Variants in DPP10 observed in about 807,000 individuals in gnomAD.
DPP10 encodes the protein inactive dipeptidyl peptidase 10.
Under a neutral mutation model 120.9 loss-of-function variants are expected in DPP10, and 33 were observed. The ratio of observed to expected loss-of-function variants is 0.27; its 90% confidence interval spans 0.21 to 0.37. DPP10 has a LOEUF of 0.37. Among genes scored for constraint, DPP10 ranks in the 10% least tolerant of loss-of-function variants. The probability of loss-of-function intolerance (pLI) is 1.00; values close to 1 mark genes in which losing one functional copy is unlikely to be tolerated. For synonymous variants in DPP10, 337 were observed against 326.1 expected (o/e 1.03, Z -0.36); for missense variants, 816 against 942.8 (o/e 0.87, Z 1.76).
intron 1 of DPP10, among the ~76,000 whole-genome samples, chr2:114,503,096 C>A (rs187560140): frequency 4.6e-5 from 7 of 152,302 alleles, no homozygotes; most frequent in Admixed American, 4.6e-4. Context: ...CTCTTCTGTT[C>A]AAGATGCTTT....
At chr2:115,348,850 C>T (rs1375204019) in intron 3 of DPP10, among the ~76,000 whole-genome samples, 3 of 152,074 alleles carry the variant, frequency 2.0e-5, no homozygotes, top group Non-Finnish European at 4.4e-5. Flanking sequence ...TATTGGTCCA[C>T]TTACCATTTG....
intron 1 of DPP10, among the ~76,000 whole-genome samples, chr2:114,969,732 CCAAA>C (rs1282302472): frequency 1.3e-5 from 2 of 152,080 alleles, no homozygotes; most frequent in African/African-American, 4.8e-5. Flanking sequence ...AACCAACCAA[CCAAA>C]CAAACAAACG....
intron 1 of DPP10, among the ~76,000 whole-genome samples, chr2:114,762,960 T>C (rs570678676): frequency 6.6e-6 from 1 of 152,292 alleles, no homozygotes. Context: ...AGTAAGGTTA[T>C]GATATATATA....
At chr2:114,910,200 TG>T (rs1174123338) in intron 1 of DPP10, among the ~76,000 whole-genome samples, 1 of 151,892 alleles carries the variant, frequency 6.6e-6, no homozygotes, top group Non-Finnish European at 1.5e-5. Flanking sequence ...ATGACTGTGC[TG>T]GTATAAGCAC....
intron 1 of DPP10, among the ~76,000 whole-genome samples, chr2:115,165,648 A>G (rs1375646676): frequency 6.6e-6 from 1 of 152,222 alleles, no homozygotes; most frequent in Non-Finnish European, 1.5e-5. Flanking sequence ...AACGTTTGTT[A>G]AATGAGTATA....
chr2:115,593,231 A>T (rs1294255416), intron 5 of DPP10, among the ~76,000 whole-genome samples: 5 of 152,192 alleles, frequency 3.3e-5, no homozygotes, highest in African/African-American at 1.2e-4. Context: ...TGATGCAGGC[A>T]ACCAGCTCTC....
intron 5 of DPP10, among the ~76,000 whole-genome samples, chr2:115,570,632 GTGT>G (rs2081284119): frequency 6.6e-6 from 1 of 152,140 alleles, no homozygotes; most frequent in Admixed American, 6.5e-5. Flanking sequence ...ATGCTGTGTG[GTGT>G]TGTTATTCTA....
intron 1 of DPP10, among the ~76,000 whole-genome samples, chr2:114,656,074 T>G (rs1266963613): frequency 6.6e-6 from 1 of 152,186 alleles, no homozygotes; most frequent in East Asian, 1.9e-4. Flanking sequence ...TATGTTGAGA[T>G]TCAATGTTAT....
At chr2:115,481,567 G>A (rs1172496576) in intron 3 of DPP10, among the ~76,000 whole-genome samples, 1 of 152,052 alleles carries the variant, frequency 6.6e-6, no homozygotes, top group Non-Finnish European at 1.5e-5. Context: ...TGGATGAAAT[G>A]AAGTCGTTGG....
At chr2:115,617,646 C>T (rs1187024597) in intron 5 of DPP10, among the ~76,000 whole-genome samples, 1 of 151,786 alleles carries the variant, frequency 6.6e-6, no homozygotes, top group Non-Finnish European at 1.5e-5. Flanking sequence ...TCCTAGGAGC[C>T]TAGGATCAAT....
chr2:115,179,658 G>A (rs752137264), intron 1 of DPP10, among the ~76,000 whole-genome samples: 1 of 152,106 alleles, frequency 6.6e-6, no homozygotes, highest in South Asian at 2.1e-4. Context: ...AAATTACCTC[G>A]ATAAATTATA....
At chr2:114,982,530 A>T (rs768444499) in intron 1 of DPP10, among the ~76,000 whole-genome samples, 1 of 152,234 alleles carries the variant, frequency 6.6e-6, no homozygotes, top group Non-Finnish European at 1.5e-5. Context: ...TTTAAAATTA[A>T]TGAAGCTTCA....
intron 5 of DPP10, among the ~76,000 whole-genome samples, chr2:115,532,696 C>T (rs1203597977): frequency 6.6e-6 from 1 of 151,750 alleles, no homozygotes; most frequent in South Asian, 2.1e-4. Context: ...TAAAACCATA[C>T]TTTTAAAGAA....
At chr2:115,709,707 T>G (rs10173996) in intron 7 of DPP10, among the ~76,000 whole-genome samples, 132,585 of 151,634 alleles carry the variant, frequency 0.87, 58,190 homozygotes, top group Middle Eastern at 0.95. Flanking sequence ...ATAAACAACA[T>G]TTAATCTGAA....
intron 1 of DPP10, among the ~76,000 whole-genome samples, chr2:115,117,101 T>C (rs2049549901): frequency 6.6e-6 from 1 of 152,204 alleles, no homozygotes; most frequent in South Asian, 2.1e-4. Context: ...ACTCGTACAC[T>C]TCCTGTTTCT....
chr2:114,727,907 C>T (rs934355681), intron 1 of DPP10, among the ~76,000 whole-genome samples: 1 of 152,174 alleles, frequency 6.6e-6, no homozygotes, highest in Admixed American at 6.5e-5. Context: ...CACTTAAAAA[C>T]CCTCATTTAA....
In DPP10 at chr2:115,801,162, G is replaced by T. The variant is rs540698882; in HGVS notation, c.1700+9806G>T. On this transcript the variant is annotated intron_variant, in intron 19 of 25. Transcript: ENST00000410059. ...AAGAGGTCCTTCACATCCCTTGTAA[G>T]TTGGATTCCTAGGTATTTTATTCTC... Among the ~76,000 whole-genome samples the T allele has an allele frequency of 6.0e-5, 9 of 150,394 alleles. No homozygotes were observed. The East Asian group carries it at 1.7e-3, about 29-fold the overall frequency.
chr2:115,587,477 C>T (rs1373970027), intron 5 of DPP10, among the ~76,000 whole-genome samples: 1 of 152,088 alleles, frequency 6.6e-6, no homozygotes, highest in Non-Finnish European at 1.5e-5. Context: ...CAGTATTTGT[C>T]TTTTTGTGTC....
chr2:114,642,187 A>G (rs746687139), intron 1 of DPP10, among the ~76,000 whole-genome samples: 3 of 151,936 alleles, frequency 2.0e-5, no homozygotes, highest in Non-Finnish European at 4.4e-5. Context: ...ATATTCTCAT[A>G]GTTCTCTTCA....
Sources: gnomAD v4.1 joint callset for allele counts (sites outside exome capture counted in the v4.1 genomes callset) on GRCh38, gnomAD v4.1.1 for gene constraint, MANE v1.5 for transcripts, NCBI Gene and HGNC (gene_info 2026-07-23, HGNC 2026-07-21) for gene names.